The following ADGRB3 variants were observed in gnomAD, a reference collection of about 807,000 sequenced individuals.
The protein encoded by ADGRB3 is brain-specific angiogenesis inhibitor 3.
In ADGRB3, 37 loss-of-function variants were observed where a neutral mutation model predicts 193.4. The ratio of observed to expected loss-of-function variants is 0.19; its 90% confidence interval spans 0.15 to 0.25. The LOEUF (loss-of-function observed/expected upper bound fraction) is 0.25, where lower values mean the gene tolerates loss of function less well. ADGRB3 is among the 10% of genes least tolerant of loss of function. ADGRB3 has a pLI of 1.00. For synonymous variants in ADGRB3, 690 were observed against 644.2 expected (o/e 1.07, Z -1.08); for missense variants, 1,637 against 1,852.9 (o/e 0.88, Z 2.14).
intron 4 of ADGRB3, among the ~76,000 whole-genome samples, chr6:68,935,412 G>A (rs770799836): frequency 6.6e-6 from 1 of 152,124 alleles, no homozygotes; most frequent in Non-Finnish European, 1.5e-5. Context: ...ACAAATACAT[G>A]ATCATATTCT....
At chr6:69,215,166 G>A (rs576834469) in intron 17 of ADGRB3, among the ~76,000 whole-genome samples, 2 of 152,246 alleles carry the variant, frequency 1.3e-5, no homozygotes, top group South Asian at 2.1e-4. Context: ...TAGATGCAGT[G>A]TCACAAAAAG....
chr6:69,119,731 T>C (rs1773632298), intron 17 of ADGRB3, among the ~76,000 whole-genome samples: 1 of 152,138 alleles, frequency 6.6e-6, no homozygotes, highest in African/African-American at 2.4e-5. Context: ...AGGGAAGACT[T>C]ATCAGGAGCG....
rs186090365 is a variant in ADGRB3 at position 69,300,941 on chromosome 6, G to A, written c.2815-23931G>A. 2.0e-3 allele frequency among the ~76,000 whole-genome samples: 299 copies of A among 151,860 alleles called. 1 individual carries two copies. The highest frequency in any genetic ancestry group is 3.3e-3 in the Non-Finnish European group (224 of 67,768). Reference sequence around the variant, plus strand: ...TTTATAGAAGATTTACATTTCAATGGTGCAGAGATGTAGGAAGAGTTTATT... The same window carrying A: ...TTTATAGAAGATTTACATTTCAATGATGCAGAGATGTAGGAAGAGTTTATT... On this transcript the variant is annotated intron_variant, in intron 20 of 31. Transcript: ENST00000370598.
chr6:68,928,938 A>G (rs1252210940), intron 3 of ADGRB3, among the ~76,000 whole-genome samples: 2 of 152,222 alleles, frequency 1.3e-5, no homozygotes, highest in African/African-American at 4.8e-5. Flanking sequence ...ATTGCATATA[A>G]TATTTGAAAA....
At chr6:68,687,297 A>G (rs1764999574) in intron 3 of ADGRB3, among the ~76,000 whole-genome samples, 1 of 152,130 alleles carries the variant, frequency 6.6e-6, no homozygotes, top group Admixed American at 6.6e-5. Context: ...TTTTATATAT[A>G]TAAATGTACA....
At chr6:68,817,119 C>G (rs1286743443) in intron 3 of ADGRB3, among the ~76,000 whole-genome samples, 1 of 151,446 alleles carries the variant, frequency 6.6e-6, no homozygotes, top group Non-Finnish European at 1.5e-5. Flanking sequence ...TCCTCAGGGA[C>G]TTACTCAGCA....
intron 17 of ADGRB3, among the ~76,000 whole-genome samples, chr6:69,180,006 C>T (rs902287872): frequency 2.0e-5 from 3 of 152,206 alleles, no homozygotes; most frequent in Admixed American, 2.0e-4. Flanking sequence ...GGCATGTCCA[C>T]CTGCAGGTCC....
chr6:69,011,910 C>T (rs4639298), intron 11 of ADGRB3, among the ~76,000 whole-genome samples: 4,679 of 152,014 alleles, frequency 0.031, 245 homozygotes, highest in African/African-American at 0.11. Flanking sequence ...ATAGTGAGAA[C>T]AAATAACTTT....
Position 68,882,370 on chromosome 6 carries a change from C to T in ADGRB3, c.758-48189C>T, listed in dbSNP as rs537837515. 4.0e-4 allele frequency among the ~76,000 whole-genome samples: 61 copies of T among 152,244 alleles called. 1 individual carries two copies. In the South Asian group the frequency reaches 0.012, roughly 29 times the overall value. On this transcript the variant is annotated intron_variant, in intron 3 of 31. Transcript: ENST00000370598. ...TGTATAACATTTAAACCACAGGATA[C>T]TGAAGTTCTCATTTCCTGTTGGGAA... is the stretch of plus-strand genomic sequence containing the variant.
intron 13 of ADGRB3, among the ~76,000 whole-genome samples, chr6:69,047,021 C>T (rs79933071): frequency 1.3e-3 from 202 of 152,180 alleles, no homozygotes; most frequent in Non-Finnish European, 2.0e-3. Context: ...CCACGCCCGG[C>T]TAAAATTTTT....
intron 3 of ADGRB3, among the ~76,000 whole-genome samples, chr6:68,719,622 G>T (rs750791237): frequency 6.6e-6 from 1 of 151,734 alleles, no homozygotes; most frequent in Non-Finnish European, 1.5e-5. Flanking sequence ...TCAATGTTTA[G>T]ATGTGAAGAA....
intron 20 of ADGRB3, among the ~76,000 whole-genome samples, chr6:69,257,181 C>G (rs1348329216): frequency 6.6e-6 from 1 of 152,176 alleles, no homozygotes; most frequent in Non-Finnish European, 1.5e-5. Flanking sequence ...GGTTGTGTCT[C>G]TGCCCAGCTT....
chr6:68,909,879 T>C (rs1233558207), intron 3 of ADGRB3, among the ~76,000 whole-genome samples: 1 of 152,212 alleles, frequency 6.6e-6, no homozygotes, highest in East Asian at 1.9e-4. Context: ...CGTGTGCATG[T>C]CTTTATAGCA....
Position 69,159,641 on chromosome 6 carries a change from T to C in ADGRB3, c.2481-73649T>C, listed in dbSNP as rs369259375. Among the ~76,000 whole-genome samples, 39 of 152,244 alleles carry C rather than the reference T, an allele frequency of 2.6e-4. No homozygotes were observed. In the East Asian group the frequency reaches 3.7e-3, roughly 14 times the overall value. The stretch of plus-strand genomic sequence containing the variant: ...GAGTGAGAAAGCTCTAATGATTATA[T>C]ACATTTGTTCATGGAGTCCCATTGA... On this transcript the variant is annotated intron_variant, in intron 17 of 31. Coordinates refer to ENST00000370598, the MANE Select transcript of ADGRB3 (RefSeq NM_001704.3).
intron 3 of ADGRB3, among the ~76,000 whole-genome samples, chr6:68,726,258 A>G (rs2127327893): frequency 6.6e-6 from 1 of 151,844 alleles, no homozygotes; most frequent in Admixed American, 6.6e-5. Context: ...TACCAGGGAT[A>G]TAAAAAGCAA....
At chr6:69,261,364 C>G (rs1766924322) in intron 20 of ADGRB3, among the ~76,000 whole-genome samples, 1 of 151,940 alleles carries the variant, frequency 6.6e-6, no homozygotes, top group African/African-American at 2.4e-5. Context: ...TCTTTAGAAT[C>G]TAAGTTTATA....
At chr6:69,194,486 A>T (rs144738334) in intron 17 of ADGRB3, among the ~76,000 whole-genome samples, 1 of 152,256 alleles carries the variant, frequency 6.6e-6, no homozygotes, top group African/African-American at 2.4e-5. Context: ...AGCTTAAGAT[A>T]AAAAGGTAAA....
chr6:69,164,661 G>T (rs1265145302), intron 17 of ADGRB3, among the ~76,000 whole-genome samples: 1 of 152,014 alleles, frequency 6.6e-6, no homozygotes, highest in African/African-American at 2.4e-5. Flanking sequence ...ACCAGGCAAG[G>T]GACAATTAAG....
At chr6:69,275,826 G>A (rs1217374149) in intron 20 of ADGRB3, among the ~76,000 whole-genome samples, 1 of 152,048 alleles carries the variant, frequency 6.6e-6, no homozygotes, top group African/African-American at 2.4e-5. Context: ...CCTCTTGAGT[G>A]TTTTGAGACT....
Sources: gnomAD v4.1 joint callset for allele counts (sites outside exome capture counted in the v4.1 genomes callset) on GRCh38, gnomAD v4.1.1 for gene constraint, MANE v1.5 for transcripts, NCBI Gene and HGNC (gene_info 2026-07-23, HGNC 2026-07-21) for gene names.